OCA2: variants seen among roughly 807,000 people sequenced by gnomAD.
OCA2 encodes P protein.
In OCA2, 77 loss-of-function variants were observed where a neutral mutation model predicts 100.2. The ratio of observed to expected loss-of-function variants is 0.77; its 90% confidence interval spans 0.64 to 0.93. The LOEUF (loss-of-function observed/expected upper bound fraction) is 0.93, where lower values mean the gene tolerates loss of function less well. OCA2 is among the 40% of genes least tolerant of loss of function. OCA2 has a pLI of 0.00. For missense variants in OCA2, 1,062 were observed against 1,089.1 expected, an observed-to-expected ratio of 0.98 and a Z score of 0.35; for synonymous variants, 432 against 439.2, an observed-to-expected ratio of 0.98 and a Z score of 0.21.
chr15:27,941,270 A>G (rs1219679596), intron 18 of OCA2, among the ~76,000 whole-genome samples: 1 of 152,226 alleles, frequency 6.6e-6, no homozygotes, highest in African/African-American at 2.4e-5. Flanking sequence ...CTCTTGATGA[A>G]TGCATATCTA....
intron 2 of OCA2, among the ~76,000 whole-genome samples, chr15:28,048,117 A>G (rs1247408664): frequency 1.3e-5 from 2 of 152,248 alleles, no homozygotes; most frequent in African/African-American, 4.8e-5. Context: ...AAGAAATTAA[A>G]GAAGACCTAA....
chr15:27,895,640 G>C (rs755234305), intron 19 of OCA2: 33 of 166,276 alleles, frequency 2.0e-4, no homozygotes, highest in Non-Finnish European at 3.7e-4. Context: ...GGTATCTGGA[G>C]GAAGAAATTT....
chr15:28,031,511 C>G (rs918385899), intron 3 of OCA2, among the ~76,000 whole-genome samples: 1 of 152,238 alleles, frequency 6.6e-6, no homozygotes, highest in Non-Finnish European at 1.5e-5. Context: ...GACAGCTCTC[C>G]TCAGGCAATT....
At chr15:27,814,981 G>A (rs1379894512) in intron 23 of OCA2, among the ~76,000 whole-genome samples, 2 of 151,756 alleles carry the variant, frequency 1.3e-5, no homozygotes, top group African/African-American at 2.4e-5. Flanking sequence ...CTTTATGCTA[G>A]GAACATGTAA....
chr15:28,072,589 CAA>C (rs760224063), intron 2 of OCA2, among the ~76,000 whole-genome samples: 8 of 60,060 alleles, frequency 1.3e-4, no homozygotes, highest in African/African-American at 2.9e-4. Flanking sequence ...GATTCCGTCT[CAA>C]AAAAAAAAAA....
At chr15:27,940,786 C>G (rs2039619725) in intron 18 of OCA2, among the ~76,000 whole-genome samples, 1 of 152,210 alleles carries the variant, frequency 6.6e-6, no homozygotes, top group South Asian at 2.1e-4. Context: ...CAATGGAATA[C>G]CTAATTTCCA....
At chr15:27,831,932 C>T (rs1025270572) in intron 23 of OCA2, among the ~76,000 whole-genome samples, 4 of 152,164 alleles carry the variant, frequency 2.6e-5, no homozygotes, top group African/African-American at 9.7e-5. Flanking sequence ...AGCACCCAGG[C>T]TGACGTCCAG....
At chr15:27,854,183 C>G (rs189011171) in intron 21 of OCA2, among the ~76,000 whole-genome samples, 3 of 152,218 alleles carry the variant, frequency 2.0e-5, no homozygotes, top group Non-Finnish European at 2.9e-5. Flanking sequence ...TTTCTGCATG[C>G]CCCTCTGGAG....
intron 23 of OCA2, among the ~76,000 whole-genome samples, chr15:27,787,936 A>T (rs960962377): frequency 2.6e-5 from 4 of 151,932 alleles, no homozygotes; most frequent in Non-Finnish European, 5.9e-5. Flanking sequence ...CTTTTATTTT[A>T]ATTTTGTTCA....
chr15:28,042,490 A>G (rs1566832603), intron 2 of OCA2, among the ~76,000 whole-genome samples: 1 of 149,928 alleles, frequency 6.7e-6, no homozygotes, highest in Non-Finnish European at 1.5e-5. Flanking sequence ...AAAAAAAAAA[A>G]TTAGCTGGGC....
At chr15:28,023,163 C>A (rs927680951) in intron 5 of OCA2, among the ~76,000 whole-genome samples, 2 of 152,182 alleles carry the variant, frequency 1.3e-5, no homozygotes, top group African/African-American at 4.8e-5. Context: ...ACCTGCCAGG[C>A]CCTGCTGAGC....
the OCA2 span, among the ~76,000 whole-genome samples, chr15:27,722,551 C>T: frequency 2.0e-5 from 3 of 152,098 alleles, no homozygotes; most frequent in African/African-American, 7.2e-5. Context: ...CTGTGATGTC[C>T]CCACTCCCTC....
intron 19 of OCA2, among the ~76,000 whole-genome samples, chr15:27,891,771 G>T (rs949446987): frequency 6.6e-6 from 1 of 152,052 alleles, no homozygotes; most frequent in African/African-American, 2.4e-5. Flanking sequence ...GCATATTTAA[G>T]CATTAACATA....
At chr15:27,860,019 CTG>C (rs1388184083) in intron 21 of OCA2, among the ~76,000 whole-genome samples, 1 of 152,168 alleles carries the variant, frequency 6.6e-6, no homozygotes, top group Non-Finnish European at 1.5e-5. Flanking sequence ...GCACTTTAAA[CTG>C]TATGAATGTA....
At chr15:27,759,865 T>C (rs2030693348) in intron 23 of OCA2, among the ~76,000 whole-genome samples, 1 of 152,150 alleles carries the variant, frequency 6.6e-6, no homozygotes, top group Non-Finnish European at 1.5e-5. Context: ...ATCTTGCTGA[T>C]ACTACAGAGT....
the OCA2 span, among the ~76,000 whole-genome samples, chr15:27,740,766 G>A: frequency 6.6e-6 from 1 of 152,130 alleles, no homozygotes; most frequent in Non-Finnish European, 1.5e-5. Context: ...AGCAGAGCTG[G>A]GCATAGGCAC....
chr15:27,793,918 C>A (rs2033204232), intron 23 of OCA2, among the ~76,000 whole-genome samples: 2 of 152,280 alleles, frequency 1.3e-5, no homozygotes, highest in Middle Eastern at 3.4e-3. Context: ...TGACACATGG[C>A]CACAGCTCCA....
chr15:27,925,915 GA>G (rs1290174122), intron 19 of OCA2, among the ~76,000 whole-genome samples: 1 of 151,688 alleles, frequency 6.6e-6, no homozygotes, highest in Non-Finnish European at 1.5e-5. Context: ...GATAATTCAA[GA>G]AAAAAAACAA....
chr15:27,797,287 C>A (rs2033384314), intron 23 of OCA2, among the ~76,000 whole-genome samples: 1 of 152,192 alleles, frequency 6.6e-6, no homozygotes, highest in Non-Finnish European at 1.5e-5. Context: ...CTGCAATGCC[C>A]CATCTTCTTG....
Sources: gnomAD v4.1 joint callset for allele counts (sites outside exome capture counted in the v4.1 genomes callset) on GRCh38, gnomAD v4.1.1 for gene constraint, MANE v1.5 for transcripts, NCBI Gene and HGNC (gene_info 2026-07-23, HGNC 2026-07-21) for gene names.